The following GUCY2D variants were observed in gnomAD, a reference collection of about 807,000 sequenced individuals.
GUCY2D encodes the protein retinal guanylyl cyclase 1.
Under a neutral mutation model 101.3 loss-of-function variants are expected in GUCY2D, and 70 were observed. The ratio of observed to expected loss-of-function variants is 0.69; its 90% CI spans 0.57 to 0.84. GUCY2D has a LOEUF of 0.84. Among genes scored for constraint, GUCY2D ranks in the 40% least tolerant of loss-of-function variants. GUCY2D has a pLI of 0.00. For synonymous variants in GUCY2D, 688 were observed against 670.7 expected, an observed-to-expected ratio of 1.03 and a Z score of -0.40; for missense variants, 1,460 against 1,542.5, an observed-to-expected ratio of 0.95 and a Z score of 0.90.
At position 8,006,416 on chromosome 17, in the gene GUCY2D, C is replaced by T. The variant is rs1264540934; in HGVS notation, c.1080C>T (p.Gly360=). The change falls in exon 4 of 20, where the codon GGC becomes GGT. Residue 360 remains glycine, a synonymous_variant. Transcript: ENST00000254854. ...IYDAVFLLAR[G]VAEARAAAGG... is the part of the protein sequence containing the mutation. ...ACGCGGTCTTCTTGCTGGCAAGGGGCGTGGCAGAAGCGCGGGCTGCCGCAG... is the reference window on the plus strand; with the variant it reads ...ACGCGGTCTTCTTGCTGGCAAGGGGTGTGGCAGAAGCGCGGGCTGCCGCAG... The T allele has an allele frequency of 3.1e-6, 5 of 1,602,394 alleles. No homozygotes were observed. Among genetic ancestry groups the T allele is most frequent in the Non-Finnish European group, 2.5e-6 (3 of 1,179,966 alleles).
intron 8 of GUCY2D, among the ~76,000 whole-genome samples, chr17:8,010,049 CTAGT>C (rs917089744): frequency 2.0e-5 from 3 of 152,004 alleles, no homozygotes; most frequent in African/African-American, 7.2e-5. Context: ...TGCCACACCA[CTAGT>C]TCTTTCCTTT....
chr17:8,009,638 T>C (rs1975812334), intron 8 of GUCY2D, 52 bp downstream of exon 8: 1 of 1,172,246 alleles, frequency 8.5e-7, no homozygotes, highest in Admixed American at 1.7e-5. Flanking sequence ...TTCTCCCTCC[T>C]TGCCTTCTCT....
At chr17:8,004,385 T>G (rs1290930619) in intron 3 of GUCY2D, among the ~76,000 whole-genome samples, 1 of 152,190 alleles carries the variant, frequency 6.6e-6, no homozygotes, top group African/African-American at 2.4e-5. Flanking sequence ...AGCAGTAAAC[T>G]CTAATGAACT....
chr17:8,014,840 C>T lies in GUCY2D; in HGVS notation c.2577-19C>T, dbSNP rs760937197. The T allele has an allele frequency of 5.6e-6, 9 of 1,613,774 alleles. No individual in the cohort carries two copies. Among genetic ancestry groups the T allele is most frequent in the Non-Finnish European group, 7.6e-6 (9 of 1,179,858 alleles). ...AGGTAGAGTGGCCCCCAGGTGACCTCACTGCCTGCCATCCCTAGGTCTGTG... is the reference window on the plus strand; with the variant it reads ...AGGTAGAGTGGCCCCCAGGTGACCTTACTGCCTGCCATCCCTAGGTCTGTG... On this transcript the variant is annotated intron_variant, in intron 13 of 19. Transcript: ENST00000254854. The surrounding 1 kb of genome is among the most constrained non-coding windows in gnomAD (Gnocchi z 4.0).
At chr17:8,016,353 T>C (rs1975975530) in intron 18 of GUCY2D, 63 bp downstream of exon 18, 2 of 1,443,564 alleles carry the variant, frequency 1.4e-6, no homozygotes, top group Admixed American at 3.9e-5. Flanking sequence ...GCTCTGTGTC[T>C]GACCCCCCGC....
Position 8,009,560 on chromosome 17 carries a change from C to G in GUCY2D, c.1723C>G (p.Pro575Ala), listed in dbSNP as rs1274478930. 1 of 1,613,546 alleles carries G rather than the reference C, an allele frequency of 6.2e-7. No individual in the cohort carries two copies. ...AGGGGATCAGCACATAGCTATCCGC[C>G]CAGCAACCAAGACGGCCTTCTCCAA... ...FPGDQHIAIR[P>A]ATKTAFSKLQ... The change falls in exon 8 of 20, where the codon CCA becomes GCA. Residue 575 changes from proline to alanine, a missense_variant. Transcript: ENST00000254854.
intron 19 of GUCY2D, among the ~76,000 whole-genome samples, chr17:8,017,219 T>TG (rs1263966263): frequency 6.6e-6 from 1 of 151,980 alleles, no homozygotes; most frequent in Non-Finnish European, 1.5e-5. Context: ...AGTGGCAAAA[T>TG]GGGGGGTGGC....
chr17:8,007,206 A>G, intron 5 of GUCY2D, 62 bp downstream of exon 5: 1 of 1,288,636 alleles, frequency 7.8e-7, no homozygotes, highest in Non-Finnish European at 1.1e-6. Flanking sequence ...GTCTGCAGCA[A>G]AAACAGCAGG....
At chr17:8,007,339 C>T in intron 5 of GUCY2D, 87 bp from the exon 6 acceptor site, 1 of 1,011,366 alleles carries the variant, frequency 9.9e-7, no homozygotes, top group Admixed American at 1.7e-5. Flanking sequence ...CTCCCCTGAG[C>T]CAACGTTATC....
chr17:8,017,889 G>A (rs935940164), intron 19 of GUCY2D, among the ~76,000 whole-genome samples: 12 of 152,122 alleles, frequency 7.9e-5, no homozygotes, highest in African/African-American at 2.9e-4. Context: ...TAGAGATGGG[G>A]TTTCAGCATG....
Position 8,003,493 on chromosome 17 carries a change from C to T in GUCY2D, c.446C>T (p.Pro149Leu). Residue 149 changes from proline to leucine, a missense_variant, in exon 2 of 20, where the codon CCC becomes CTC. Coordinates refer to ENST00000254854, the MANE Select transcript of GUCY2D (RefSeq NM_000180.4). ...LAEEAGIALV[P>L]WGCPWTQAEG... ...GAAGAAGCCGGGATCGCGCTGGTGC[C>T]CTGGGGCTGCCCCTGGACGCAGGCG... is the stretch of plus-strand genomic sequence containing the variant. 6.5e-7 allele frequency: 1 copy of T among 1,529,418 alleles called. No homozygotes were observed. Among genetic ancestry groups the T allele is most frequent in the Non-Finnish European group, 8.7e-7 (1 of 1,144,398 alleles). 94.7% of individuals were successfully genotyped at this position (1,529,418 alleles called of 1,614,324 possible). A position where few individuals can be genotyped will look rare whatever the true frequency, so the allele number is the denominator to read the frequency against.
At chr17:8,015,099 C>T (rs1292687662) in intron 14 of GUCY2D, 48 bp downstream of exon 14, 2 of 1,502,148 alleles carry the variant, frequency 1.3e-6, no homozygotes, top group Non-Finnish European at 1.8e-6. Flanking sequence ...TTCAGCTTCA[C>T]CAGCCTCCAG....
Position 8,013,343 on chromosome 17 carries a change from C to G in GUCY2D, c.2263+91C>G, listed in dbSNP as rs1469998274. ...TCACTCTTTCCTCTAAAGCAAAGCC[C>G]AGTGATGAAACTCAATTATACGGAG... On this transcript the variant is annotated intron_variant, in intron 11 of 19. Transcript: ENST00000254854. This position sits in a 1 kb window ranked among gnomAD's most constrained non-coding sequence, Gnocchi z 5.0. 3.0e-6 allele frequency: 4 copies of G among 1,329,588 alleles called. No homozygotes were observed. The East Asian group carries it at 9.7e-5, about 32-fold the overall frequency. The allele number at this position is 1,329,588 out of a possible 1,614,324, so 82.4% of individuals were successfully genotyped here.
intron 19 of GUCY2D, among the ~76,000 whole-genome samples, chr17:8,018,008 C>T (rs1250691872): frequency 6.6e-6 from 1 of 152,166 alleles, no homozygotes; most frequent in Non-Finnish European, 1.5e-5. Flanking sequence ...CAGCAATTAT[C>T]AATGCCCTGT....
intron 6 of GUCY2D, 87 bp downstream of exon 6, chr17:8,007,615 A>G: frequency 2.4e-6 from 2 of 819,194 alleles, no homozygotes; most frequent in Non-Finnish European, 4.2e-6. Context: ...CCAGCTCCCT[A>G]CTTGGGAAGC....
At chr17:8,009,071 A>G (rs1165557937) in intron 7 of GUCY2D, among the ~76,000 whole-genome samples, 1 of 152,212 alleles carries the variant, frequency 6.6e-6, no homozygotes, top group Non-Finnish European at 1.5e-5. Context: ...GGCCCTGCCA[A>G]CAGTTGAGGA....
chr17:8,014,489 C>A lies in GUCY2D; in HGVS notation c.2413-112C>A. Reference sequence around the variant, plus strand: ...ATGAATAGTAGATGAATGGTGGCAGCGGGGTTGGGGTTCAGAGTGAACAGC... The same window carrying A: ...ATGAATAGTAGATGAATGGTGGCAGAGGGGTTGGGGTTCAGAGTGAACAGC... On this transcript the variant is annotated intron_variant, in intron 12 of 19. Transcript: ENST00000254854. The surrounding 1 kb of genome is among the most constrained non-coding windows in gnomAD (Gnocchi z 4.0). 2 of 969,662 alleles carry A rather than the reference C, an allele frequency of 2.1e-6. No individual in the cohort carries two copies. The highest frequency in any genetic ancestry group is 3.3e-6 in the Non-Finnish European group (2 of 602,222). The allele number at this position is 969,662 out of a possible 1,614,324, so 60.1% of individuals were successfully genotyped here.
rs137853897 is a variant in GUCY2D, at chr17:8,009,557, C to G, written c.1720C>G (p.Arg574Gly). 6.2e-7 allele frequency: 1 copy of G among 1,613,424 alleles called. No homozygotes were observed. Among genetic ancestry groups the G allele is most frequent in the African/African-American group, 1.3e-5 (1 of 74,896 alleles). Residue 574 changes from arginine to glycine, a missense_variant, in exon 8 of 20, where the codon CGC (arginine) becomes GGC (glycine). Around this residue, in one of 3 missense-constraint regions of GUCY2D, gnomAD observed 1,196 missense variants for 1,229.6 expected, o/e 0.97. Coordinates refer to ENST00000254854, the MANE Select transcript of GUCY2D (RefSeq NM_000180.4). ...KFPGDQHIAI[R>G]PATKTAFSKL... Reference sequence around the variant, plus strand: ...CCCAGGGGATCAGCACATAGCTATCCGCCCAGCAACCAAGACGGCCTTCTC... The same window carrying G: ...CCCAGGGGATCAGCACATAGCTATCGGCCCAGCAACCAAGACGGCCTTCTC...
chr17:8,019,210 G>T (rs1036417214), intron 19 of GUCY2D, among the ~76,000 whole-genome samples: 1 of 151,936 alleles, frequency 6.6e-6, no homozygotes, highest in Non-Finnish European at 1.5e-5. Context: ...TCAGCCTCCT[G>T]TCTCTTCCCT....
Sources: allele counts gnomAD v4.1 joint callset (sites outside exome capture counted in the v4.1 genomes callset), GRCh38; gene constraint gnomAD v4.1.1; regional missense constraint gnomAD v4.1.1; non-coding constraint Gnocchi (gnomAD v3.1); transcripts MANE v1.5; gene names NCBI Gene and HGNC (gene_info 2026-07-23, HGNC 2026-07-21).